TUT4: variants seen among roughly 807,000 people sequenced by gnomAD.
TUT4 encodes terminal uridylyltransferase 4.
In TUT4, 36 loss-of-function variants were observed where a neutral mutation model predicts 192.2. The observed-to-expected ratio is 0.19, with a 90% CI of 0.14 to 0.25. The LOEUF is 0.25. Ranked by LOEUF, TUT4 falls within the 10% of genes least tolerant of loss-of-function variation. The pLI, the probability that TUT4 is intolerant of heterozygous loss-of-function variation, is 1.00. For synonymous variants in TUT4, 618 were observed against 666.0 expected (o/e 0.93, Z 1.11); for missense variants, 1,493 against 1,957.2 (o/e 0.76, Z 4.47).
intron 16 of TUT4, chr1:52,463,850 T>C: frequency 8.1e-7 from 1 of 1,234,770 alleles, no homozygotes; most frequent in Non-Finnish European, 1.1e-6. Context: ...GGTCTGCTCC[T>C]GGCATCTCAC....
intron 27 of TUT4, chr1:52,431,700 T>C (rs1652125804): frequency 3.5e-6 from 1 of 282,484 alleles, no homozygotes; most frequent in Admixed American, 4.7e-5. Flanking sequence ...GCAGAACACA[T>C]ACTTCCTATT....
At chr1:52,504,103 C>G (rs532606696) in intron 4 of TUT4, among the ~76,000 whole-genome samples, 5 of 152,306 alleles carry the variant, frequency 3.3e-5, no homozygotes, top group East Asian at 3.9e-4. Flanking sequence ...GCACCACAAA[C>G]TATGATAACA....
intron 2 of TUT4, among the ~76,000 whole-genome samples, 199 bp from the exon 3 acceptor site, chr1:52,516,253 T>C (rs1371331338): frequency 4.6e-5 from 7 of 152,116 alleles, no homozygotes; most frequent in Admixed American, 4.6e-4. Flanking sequence ...AAGAAAAACC[T>C]TTATGGGTCA....
chr1:52,439,924 A>C (rs774769208), intron 24 of TUT4, among the ~76,000 whole-genome samples: 1 of 152,236 alleles, frequency 6.6e-6, no homozygotes, highest in African/African-American at 2.4e-5. Flanking sequence ...ATACAATGGA[A>C]TATTTTTCAG....
chr1:52,497,743 TTTTA>T (rs1291716266), intron 4 of TUT4, among the ~76,000 whole-genome samples: 3 of 152,352 alleles, frequency 2.0e-5, no homozygotes, highest in African/African-American at 4.8e-5. Flanking sequence ...ATGCAATGAC[TTTTA>T]TTAATTATTT....
At chr1:52,496,940 C>G in intron 5 of TUT4, 66 bp downstream of exon 5, 2 of 1,444,136 alleles carry the variant, frequency 1.4e-6, no homozygotes, top group Non-Finnish European at 1.9e-6. Context: ...GAAATGTACT[C>G]TAGTTCAAGA....
chr1:52,549,950 A>G (rs1370948906), intron 1 of TUT4, among the ~76,000 whole-genome samples: 1 of 150,192 alleles, frequency 6.7e-6, no homozygotes, highest in Non-Finnish European at 1.5e-5. Context: ...AAGACACCAC[A>G]CAAATCTCTC....
chr1:52,458,750 A>T (rs533719085), intron 19 of TUT4, among the ~76,000 whole-genome samples: 1 of 152,320 alleles, frequency 6.6e-6, no homozygotes, highest in South Asian at 2.1e-4. Context: ...TGCAGGTGAG[A>T]GTATAAATTA....
intron 2 of TUT4, among the ~76,000 whole-genome samples, chr1:52,525,180 A>G (rs1234650712): frequency 6.6e-6 from 1 of 152,180 alleles, no homozygotes; most frequent in Non-Finnish European, 1.5e-5. Context: ...TTCCATTGTA[A>G]ACAAATGCTT....
intron 11 of TUT4, 111 bp downstream of exon 11, chr1:52,481,312 G>T: frequency 8.8e-7 from 1 of 1,136,588 alleles, no homozygotes; most frequent in Non-Finnish European, 1.3e-6. Context: ...GGAAAATGAG[G>T]CCAAGAGGCT....
intron 25 of TUT4, among the ~76,000 whole-genome samples, chr1:52,437,929 T>C (rs1654307661): frequency 6.6e-6 from 1 of 151,874 alleles, no homozygotes; most frequent in Non-Finnish European, 1.5e-5. Flanking sequence ...CACTCCAGCC[T>C]GGGCGACAGG....
At chr1:52,425,219 C>T (rs748520375) in intron 29 of TUT4, 130 bp downstream of exon 29, 9 of 1,158,240 alleles carry the variant, frequency 7.8e-6, no homozygotes, top group Non-Finnish European at 1.1e-5. Flanking sequence ...ATCTGACACA[C>T]AGTATAATTT....
In TUT4 at chr1:52,445,943, T is replaced by C; in HGVS notation, c.3739+14A>G. The C allele has an allele frequency of 6.2e-7, 1 of 1,605,318 alleles. No homozygotes were observed. The highest frequency in any genetic ancestry group is 8.5e-7 in the Non-Finnish European group (1 of 1,176,922). Reference sequence around the variant, plus strand: ...GAGTTTTAAAATCAGAGAATCTCTATATTTAAAACTTACTTTTTCTGGAAA... The same window carrying C: ...GAGTTTTAAAATCAGAGAATCTCTACATTTAAAACTTACTTTTTCTGGAAA... On this transcript the variant is annotated intron_variant, in intron 23 of 29. Coordinates refer to ENST00000257177, the MANE Select transcript of TUT4 (RefSeq NM_001009881.3).
At chr1:52,471,494 C>T (rs1665772369) in intron 14 of TUT4, among the ~76,000 whole-genome samples, 1 of 152,186 alleles carries the variant, frequency 6.6e-6, no homozygotes, top group South Asian at 2.1e-4. Context: ...TGGCAATTTA[C>T]ATAAATGCCA....
chr1:52,539,915 A>G (rs1686046092), intron 1 of TUT4, among the ~76,000 whole-genome samples: 1 of 150,828 alleles, frequency 6.6e-6, no homozygotes, highest in Non-Finnish European at 1.5e-5. Flanking sequence ...TTAAAAAAAA[A>G]AAAACAAAAA....
At chr1:52,474,758 T>C in intron 13 of TUT4, 74 bp downstream of exon 13, 1 of 1,287,558 alleles carries the variant, frequency 7.8e-7, no homozygotes, top group Non-Finnish European at 1.0e-6. Flanking sequence ...ATTTTTACAT[T>C]TCTAATCTAA....
intron 4 of TUT4, among the ~76,000 whole-genome samples, chr1:52,498,138 G>A (rs930474773): frequency 2.6e-5 from 4 of 152,072 alleles, no homozygotes; most frequent in African/African-American, 9.7e-5. Context: ...TCAAACATGA[G>A]GGGTAAGTCA....
intron 24 of TUT4, among the ~76,000 whole-genome samples, chr1:52,441,636 C>G (rs2148363907): frequency 6.6e-6 from 1 of 151,884 alleles, no homozygotes; most frequent in South Asian, 2.1e-4. Context: ...TGAAATAGTT[C>G]TAATAGAATA....
chr1:52,423,335 A>G lies in TUT4; in HGVS notation c.*600T>C, dbSNP rs1648725506. On this transcript the variant is annotated 3_prime_UTR_variant, in exon 30 of 30. Coordinates refer to ENST00000257177, the MANE Select transcript of TUT4 (RefSeq NM_001009881.3). ...TAGAAGTACTTCAAATACAGACAAA[A>G]TCAACTTTCCATTCAAGTTTGAATG... 6.5e-6 allele frequency: 1 copy of G among 153,180 alleles called. No homozygotes were observed. The highest frequency in any genetic ancestry group is 2.4e-5 in the African/African-American group (1 of 41,456). The allele number at this position is 153,180 out of a possible 1,614,324, so 9.5% of individuals were successfully genotyped here.
Sources: allele counts gnomAD v4.1 joint callset (sites outside exome capture counted in the v4.1 genomes callset), GRCh38; gene constraint gnomAD v4.1.1; transcripts MANE v1.5; gene names NCBI Gene and HGNC (gene_info 2026-07-23, HGNC 2026-07-21).